The following SPCS2 variants were observed in gnomAD, a reference collection of about 807,000 sequenced individuals.
The protein encoded by SPCS2 is signal peptidase complex subunit 2.
Under a neutral mutation model 22.3 loss-of-function variants are expected in SPCS2, and 3 were observed. That is an observed-to-expected ratio of 0.13 (90% CI 0.06 to 0.35). SPCS2 has a LOEUF of 0.35. SPCS2 is among the 10% of genes least tolerant of loss of function. SPCS2 has a pLI of 1.00. For missense variants in SPCS2, 169 were observed against 280.9 expected (o/e 0.60, Z 2.85); for synonymous variants, 67 against 97.2 (o/e 0.69, Z 1.83).
At chr11:74,963,632 G>A (rs1248659870) in intron 1 of SPCS2, 1 of 435,976 alleles carries the variant, frequency 2.3e-6, no homozygotes, top group East Asian at 7.5e-5. Context: ...CTGGACTCGA[G>A]CTCCTGGGCT....
At chr11:74,949,587 G>C in intron 1 of SPCS2, 188 bp downstream of exon 1, 1 of 649,976 alleles carries the variant, frequency 1.5e-6, no homozygotes, top group South Asian at 1.5e-5. Flanking sequence ...CCTGGACCCG[G>C]TCCTCTTTAG....
At chr11:74,968,693 T>C (rs555131061) in intron 3 of SPCS2, among the ~76,000 whole-genome samples, 1 of 152,172 alleles carries the variant, frequency 6.6e-6, no homozygotes, top group South Asian at 2.1e-4. Context: ...CAGCTAATTT[T>C]TGTATTTTTG....
At chr11:74,974,892 G>A (rs1047980724) in intron 4 of SPCS2, among the ~76,000 whole-genome samples, 66 of 152,258 alleles carry the variant, frequency 4.3e-4, no homozygotes, top group African/African-American at 1.6e-3. Flanking sequence ...GGGATTATAG[G>A]TATGAGCCAC....
At chr11:74,961,577 G>A (rs142394063) in intron 1 of SPCS2, among the ~76,000 whole-genome samples, 1 of 142,496 alleles carries the variant, frequency 7.0e-6, no homozygotes, top group African/African-American at 2.4e-5. Context: ...GTCTTCCTCT[G>A]TTCACCCAGG....
chr11:74,959,827 C>A (rs1271794373), intron 1 of SPCS2, among the ~76,000 whole-genome samples: 1 of 152,168 alleles, frequency 6.6e-6, no homozygotes, highest in African/African-American at 2.4e-5. Context: ...GACTACATAT[C>A]CTTCAGACCT....
At chr11:74,974,402 A>G (rs1014090930) in intron 4 of SPCS2, among the ~76,000 whole-genome samples, 1 of 152,148 alleles carries the variant, frequency 6.6e-6, no homozygotes, top group African/African-American at 2.4e-5. Context: ...TCTCTCACTC[A>G]TCCAAACCTG....
intron 4 of SPCS2, among the ~76,000 whole-genome samples, chr11:74,972,981 C>T (rs905631648): frequency 6.6e-6 from 1 of 151,516 alleles, no homozygotes; most frequent in Non-Finnish European, 1.5e-5. Context: ...AAAAACCAAA[C>T]ATCGCATATT....
chr11:74,964,518 CAA>C (rs1173447710), intron 1 of SPCS2, among the ~76,000 whole-genome samples: 1 of 152,122 alleles, frequency 6.6e-6, no homozygotes, highest in Non-Finnish European at 1.5e-5. Context: ...TGTTAGCTGA[CAA>C]AGTGATATTA....
At chr11:74,954,839 A>T (rs1948467684) in intron 1 of SPCS2, among the ~76,000 whole-genome samples, 2 of 152,230 alleles carry the variant, frequency 1.3e-5, no homozygotes, top group Non-Finnish European at 1.5e-5. Context: ...AGGGTCTAGC[A>T]TCTAGACTAT....
intron 1 of SPCS2, 52 bp downstream of exon 1, chr11:74,949,451 G>A (rs1948296560): frequency 1.3e-6 from 2 of 1,494,848 alleles, no homozygotes; most frequent in African/African-American, 2.8e-5. Flanking sequence ...CCTGGGAGGC[G>A]GCGAGCCAAC....
rs558231719 is a variant in SPCS2, at chr11:74,973,122, G to T, written c.494+3423G>T. Among the ~76,000 whole-genome samples the T allele has an allele frequency of 3.9e-5, 6 of 152,110 alleles. No individual in the cohort carries two copies. The South Asian group carries it at 1.2e-3, about 32-fold the overall frequency. ...CATATTTCCACTGCAGACTGCAAGT[G>T]GTGGCTGATGTTTCTCTCACAGCCT... On this transcript the variant is annotated intron_variant, in intron 4 of 4. Coordinates refer to ENST00000263672, the MANE Select transcript of SPCS2 (RefSeq NM_014752.3).
chr11:74,955,847 T>TA (rs1948474612), intron 1 of SPCS2, among the ~76,000 whole-genome samples: 1 of 108,018 alleles, frequency 9.3e-6, no homozygotes, highest in Non-Finnish European at 1.9e-5. Context: ...TAATTACTAA[T>TA]TAAAATATAT....
rs1441542366 is a variant in SPCS2 at position 74,965,040 on chromosome 11, A to G, written c.121A>G (p.Ile41Val). ...TTTTTTGTTTGTTTTACAGTGGAAG[A>G]TAGATGATAAGCCTGTAAAAATTGA... ...GRSGLLDKWK[I>V]DDKPVKIDKW... The change falls in exon 2 of 5, where the codon ATA becomes GTA. Residue 41 changes from isoleucine to valine, a missense_variant. Around this residue, in one of 2 missense-constraint regions of SPCS2, gnomAD observed 118 missense variants for 243.1 expected, o/e 0.49. Coordinates refer to ENST00000263672, the MANE Select transcript of SPCS2 (RefSeq NM_014752.3). 3 of 1,549,498 alleles carry G rather than the reference A, an allele frequency of 1.9e-6. No individual in the cohort carries two copies. Among genetic ancestry groups the G allele is most frequent in the East Asian group, 4.9e-5 (2 of 40,888 alleles).
At chr11:74,970,219 T>A (rs1271904970) in intron 4 of SPCS2, among the ~76,000 whole-genome samples, 2 of 152,240 alleles carry the variant, frequency 1.3e-5, no homozygotes. Context: ...TCTTTCTAGC[T>A]GTATAACTTT....
At chr11:74,951,838 G>C (rs1249073268) in intron 1 of SPCS2, among the ~76,000 whole-genome samples, 1 of 137,338 alleles carries the variant, frequency 7.3e-6, no homozygotes, top group Non-Finnish European at 1.6e-5. Context: ...AAGAGTAAGA[G>C]CCTGAAGGAA....
chr11:74,956,057 A>G lies in SPCS2; in HGVS notation c.114+6658A>G, dbSNP rs184184885. On this transcript the variant is annotated intron_variant, in intron 1 of 4. Coordinates refer to ENST00000263672, the MANE Select transcript of SPCS2 (RefSeq NM_014752.3). ...ATACTTTCTTTACTTGGCTTCTAGG[A>G]CACCACTTGCCCCCAGCTTTCCTCC... 3.6e-3 allele frequency among the ~76,000 whole-genome samples: 549 copies of G among 151,296 alleles called. 3 individuals are homozygous for G. The highest frequency in any genetic ancestry group is 0.013 in the African/African-American group (519 of 41,302).
intron 1 of SPCS2, among the ~76,000 whole-genome samples, chr11:74,951,304 A>G (rs78022531): frequency 0.029 from 4,491 of 152,254 alleles, 211 homozygotes; most frequent in African/African-American, 0.1. Context: ...CACATTAATG[A>G]TCTCCATTAC....
chr11:74,971,500 T>C (rs1417804878), intron 4 of SPCS2, among the ~76,000 whole-genome samples: 1 of 152,206 alleles, frequency 6.6e-6, no homozygotes, highest in Non-Finnish European at 1.5e-5. Context: ...CGTTTCCTGC[T>C]GATTTTTACC....
At chr11:74,954,501 A>G (rs1407154839) in intron 1 of SPCS2, among the ~76,000 whole-genome samples, 1 of 152,172 alleles carries the variant, frequency 6.6e-6, no homozygotes, top group African/African-American at 2.4e-5. Flanking sequence ...CACCAACCAT[A>G]TGTCCTTAGG....
Sources: allele counts gnomAD v4.1 joint callset (sites outside exome capture counted in the v4.1 genomes callset), GRCh38; gene constraint gnomAD v4.1.1; regional missense constraint gnomAD v4.1.1; transcripts MANE v1.5; gene names NCBI Gene and HGNC (gene_info 2026-07-23, HGNC 2026-07-21).